Variants in HSPG2 observed in about 807,000 individuals in gnomAD.
The protein encoded by HSPG2 is basement membrane-specific heparan sulfate proteoglycan core protein.
Under a neutral mutation model 526.6 loss-of-function variants are expected in HSPG2, and 278 were observed. The ratio of observed to expected loss-of-function variants is 0.53; its 90% CI spans 0.48 to 0.58. HSPG2 has a LOEUF of 0.58. Ranked by LOEUF, HSPG2 falls within the 20% of genes least tolerant of loss-of-function variation. HSPG2 has a pLI of 0.00. For missense variants in HSPG2, 5,354 were observed against 6,099.5 expected, an observed-to-expected ratio of 0.88 and a Z score of 4.07; for synonymous variants, 2,465 against 2,555.4, an observed-to-expected ratio of 0.96 and a Z score of 1.07.
intron 37 of HSPG2, among the ~76,000 whole-genome samples, chr1:21,862,401 G>A (rs781084905): frequency 6.6e-5 from 10 of 151,928 alleles, no homozygotes; most frequent in South Asian, 2.1e-4. Flanking sequence ...TGGCTGACAC[G>A]GTGAAACCCC....
At chr1:21,874,856 G>A (rs762729947) in intron 26 of HSPG2, 35 bp downstream of exon 26, 1 of 1,563,044 alleles carries the variant, frequency 6.4e-7, no homozygotes, top group Non-Finnish European at 8.8e-7. Context: ...ACCATGGAGG[G>A]GGCTGGCTGG....
rs117535557 is a variant in HSPG2, at chr1:21,871,634, G to A, written c.4221+552C>T. Reference sequence around the variant, plus strand: ...CCACCTCCCAGCTGCGGGGCTTTGGGTAAGTTACCAAGCCCCTCTTGCCTT... The same window carrying A: ...CCACCTCCCAGCTGCGGGGCTTTGGATAAGTTACCAAGCCCCTCTTGCCTT... On this transcript the variant is annotated intron_variant, in intron 33 of 96. Coordinates refer to ENST00000374695, the MANE Select transcript of HSPG2 (RefSeq NM_005529.7). Among the ~76,000 whole-genome samples, 157 of 152,310 alleles carry A rather than the reference G, an allele frequency of 1.0e-3. 7 individuals are homozygous for A. The East Asian group carries it at 0.03, about 29-fold the overall frequency.
intron 1 of HSPG2, among the ~76,000 whole-genome samples, chr1:21,905,136 T>C (rs892668715): frequency 1.3e-5 from 2 of 151,152 alleles, no homozygotes; most frequent in Admixed American, 6.6e-5. Context: ...AACCAGGTTC[T>C]ATGTAATCTG....
chr1:21,890,839 A>AGGACTGCCTGTAGGTATACAT lies in HSPG2; in HGVS notation c.245-166_245-146dup. On this transcript the variant is annotated intron_variant, in intron 3 of 96. Transcript: ENST00000374695. The surrounding 1 kb of genome is among the most constrained non-coding windows in gnomAD (Gnocchi z 4.1). ...CACCTGTGTGCCCACTGCTACACCCAGGACTGCCTGTAGGTATACATGCTC... is the reference window on the plus strand; with the variant it reads ...CACCTGTGTGCCCACTGCTACACCCAGGACTGCCTGTAGGTATACATGGACTGCCTGTAGGTATACATGCTC... 1.4e-6 allele frequency: 1 copy of AGGACTGCCTGTAGGTATACAT among 704,192 alleles called. No individual in the cohort carries two copies. Among genetic ancestry groups the AGGACTGCCTGTAGGTATACAT allele is most frequent in the South Asian group, 1.5e-5 (1 of 67,020 alleles). 43.6% of individuals were successfully genotyped at this position (704,192 alleles called of 1,614,324 possible).
chr1:21,829,495 G>C lies in HSPG2; in HGVS notation c.11880C>G (p.Leu3960=), dbSNP rs757418467. Residue 3960 remains leucine, a synonymous_variant, in exon 87 of 97, where the codon CTC becomes CTG. Transcript: ENST00000374695. ...TGAACAGCAGGACCCCGTCAGGGGC[G>C]AGTGGCTTGAACTCCACGTCCAGGC... is the stretch of plus-strand genomic sequence containing the variant. ...ELRLDVEFKP[L]APDGVLLFSG... 6.2e-7 allele frequency: 1 copy of C among 1,613,102 alleles called. No homozygotes were observed. The highest frequency in any genetic ancestry group is 1.7e-5 in the Admixed American group (1 of 59,998).
rs1453933802 is a variant in HSPG2 at position 21,876,612 on chromosome 1, C to G, written c.2726G>C (p.Gly909Ala). Residue 909 changes from glycine to alanine, a missense_variant, in exon 22 of 97, where the codon GGC (glycine) becomes GCC (alanine). Coordinates refer to ENST00000374695, the MANE Select transcript of HSPG2 (RefSeq NM_005529.7). ...GTTTCGGGTACTCAGGTGGAAAGAG[C>G]CGTCAGCACATTCATTGCACAAGCG... ...VGRLCNECAD[G>A]SFHLSTRNPD... The G allele has an allele frequency of 6.2e-7, 1 of 1,614,226 alleles. No individual in the cohort carries two copies. The highest frequency in any genetic ancestry group is 2.2e-5 in the East Asian group (1 of 44,880).
Position 21,824,551 on chromosome 1 carries a change from G to A in HSPG2, c.12730C>T (p.Leu4244Phe). Residue 4244 changes from leucine (L) to phenylalanine (F), a missense_variant, in exon 93 of 97, where the codon CTC becomes TTC. By Grantham distance (22) the Leu-to-Phe change is conservative (BLOSUM62 0). Transcript: ENST00000374695. This position sits in a 1 kb window ranked among gnomAD's most constrained non-coding sequence, Gnocchi z 5.9. ...VRTSTASGLL[L>F]WQGVEVGEAG... ...CCCACACTCACCACACCCTGCCAGA[G>A]CAGGAGGCCACTGGCTGTGCTGGTC... The A allele has an allele frequency of 2.5e-6, 4 of 1,613,684 alleles. No homozygotes were observed. The highest frequency in any genetic ancestry group is 3.4e-6 in the Non-Finnish European group (4 of 1,180,020).
intron 3 of HSPG2, among the ~76,000 whole-genome samples, chr1:21,894,006 G>C (rs956766951): frequency 4.6e-5 from 7 of 152,092 alleles, no homozygotes; most frequent in African/African-American, 1.7e-4. Context: ...GACACTCAAG[G>C]AGTGGGGAAG....
intron 64 of HSPG2, 52 bp from the exon 65 acceptor site, chr1:21,844,351 A>C (rs1475952348): frequency 6.4e-7 from 1 of 1,571,204 alleles, no homozygotes; most frequent in East Asian, 2.3e-5. Context: ...TGATGCCCTC[A>C]GCCCTTCCCC....
At chr1:21,857,553 C>T (rs1639438603) in intron 42 of HSPG2, among the ~76,000 whole-genome samples, 168 bp from the exon 43 acceptor site, 1 of 152,110 alleles carries the variant, frequency 6.6e-6, no homozygotes, top group Admixed American at 6.5e-5. Context: ...ACCCCACCAT[C>T]CCCACCCTCC....
In HSPG2 at chr1:21,829,941, C is replaced by A. The variant is rs543448403; in HGVS notation, c.11770+52G>T. 5.4e-5 allele frequency: 78 copies of A among 1,457,396 alleles called. No individual in the cohort carries two copies. In the South Asian group the frequency reaches 8.0e-4, roughly 15 times the overall value. 90.3% of individuals were successfully genotyped at this position (1,457,396 alleles called of 1,614,324 possible). A position where few individuals can be genotyped will look rare whatever the true frequency, so the allele number is the denominator to read the frequency against. ...CATGGCCTCAGAGTGCCCCACCCAG[C>A]CTCCCCAGCTGACACTAGGACCCTG... On this transcript the variant is annotated intron_variant, in intron 86 of 96. Transcript: ENST00000374695.
chr1:21,846,228 G>A lies in HSPG2; in HGVS notation c.8344C>T (p.His2782Tyr). ...TCACCCGAGTCGGCCGGGGACACAT[G>A]GTGCAGCCGCAGCCGTGAGCCGCGG... ...QTRGSRLRLH[H>Y]VSPADSGEYV... Residue 2782 changes from histidine (H) to tyrosine (Y), a missense_variant, in exon 64 of 97, where the codon CAT becomes TAT. By Grantham distance (83) the His-to-Tyr change is moderately conservative. Coordinates refer to ENST00000374695, the MANE Select transcript of HSPG2 (RefSeq NM_005529.7). 1 of 1,612,932 alleles carries A rather than the reference G, an allele frequency of 6.2e-7. No individual in the cohort carries two copies. Among genetic ancestry groups the A allele is most frequent in the Non-Finnish European group, 8.5e-7 (1 of 1,179,964 alleles).
chr1:21,842,451 G>C, intron 67 of HSPG2, 71 bp from the exon 68 acceptor site: 1 of 1,468,690 alleles, frequency 6.8e-7, no homozygotes, highest in Non-Finnish European at 9.1e-7. Context: ...AAGCCCAACT[G>C]TGCCGGTACC....
In HSPG2 at chr1:21,879,062, C is replaced by A; in HGVS notation, c.2403G>T (p.Gly801=). 1.2e-6 allele frequency: 2 copies of A among 1,614,222 alleles called. No individual in the cohort carries two copies. Among genetic ancestry groups the A allele is most frequent in the Non-Finnish European group, 1.7e-6 (2 of 1,180,030 alleles). The change falls in exon 18 of 97, where the codon GGG becomes GGT. Residue 801 remains glycine (G), a synonymous_variant. Coordinates refer to ENST00000374695, the MANE Select transcript of HSPG2 (RefSeq NM_005529.7). The stretch of plus-strand genomic sequence containing the variant: ...AAGTGGCCGTGGCCTTCATGGCGTC[C>A]CCAAAGAAGCCAGCCTTGCACTTGT... The part of the protein sequence containing the change: ...QCNKCKAGFF[G]DAMKATATSC...
Position 21,887,757 on chromosome 1 carries a change from C to G in HSPG2, c.704-83G>C. 1 of 1,591,324 alleles carries G rather than the reference C, an allele frequency of 6.3e-7. No individual in the cohort carries two copies. ...TGTCCCCAACCCTCCCCAGGCCCAC[C>G]CTGTACTCCCCAACACCACTCCCTG... On this transcript the variant is annotated intron_variant, in intron 7 of 96. Transcript: ENST00000374695. The surrounding 1 kb of genome is among the most constrained non-coding windows in gnomAD (Gnocchi z 5.0).
chr1:21,891,590 G>A (rs756399695), intron 3 of HSPG2, among the ~76,000 whole-genome samples: 1 of 151,904 alleles, frequency 6.6e-6, no homozygotes, highest in African/African-American at 2.4e-5. Context: ...TCTCAGACTG[G>A]TGTGAACATA....
intron 1 of HSPG2, among the ~76,000 whole-genome samples, chr1:21,927,375 C>T (rs1644227797): frequency 6.6e-6 from 1 of 152,106 alleles, no homozygotes; most frequent in Admixed American, 6.5e-5. Flanking sequence ...TGCTGTTTCT[C>T]TGAGGCCACG....
At chr1:21,897,146 G>A (rs1372752882) in intron 1 of HSPG2, among the ~76,000 whole-genome samples, 2 of 152,166 alleles carry the variant, frequency 1.3e-5, no homozygotes, top group Admixed American at 6.5e-5. Context: ...GACAAGATCC[G>A]GATGATTCCA....
rs375038101 is a variant in HSPG2, at chr1:21,878,182, G to A, written c.2685+4C>T. On this transcript the variant is annotated splice_donor_region_variant and intron_variant, in intron 21 of 96. Transcript: ENST00000374695. ...CCTGGGTGGGTGGCAGATGGCACGCGTACCTTACAGCGGCAGGCCTCCCCG... is the reference window on the plus strand; with the variant it reads ...CCTGGGTGGGTGGCAGATGGCACGCATACCTTACAGCGGCAGGCCTCCCCG... 29 of 1,613,294 alleles carry A rather than the reference G, an allele frequency of 1.8e-5. No homozygotes were observed. Among genetic ancestry groups the A allele is most frequent in the African/African-American group, 2.7e-5 (2 of 74,920 alleles).
Sources: gnomAD v4.1 joint callset for allele counts (sites outside exome capture counted in the v4.1 genomes callset) on GRCh38, gnomAD v4.1.1 for gene constraint, Gnocchi (gnomAD v3.1) non-coding constraint, MANE v1.5 for transcripts, NCBI Gene and HGNC (gene_info 2026-07-23, HGNC 2026-07-21) for gene names.